PAQR3: variants seen among roughly 807,000 people sequenced by gnomAD.
The protein encoded by PAQR3 is progestin and adipoQ receptor family member 3, also known as Raf kinase trapping to Golgi.
In PAQR3, 39 loss-of-function variants were observed where a neutral mutation model predicts 41.7. The observed-to-expected ratio is 0.93, with a 90% CI of 0.72 to 1.22. PAQR3 has a LOEUF of 1.22. Ranked by LOEUF, PAQR3 falls within the 50% of genes most tolerant of loss-of-function variation. PAQR3 has a pLI of 0.00. For missense variants in PAQR3, 366 were observed against 385.6 expected (o/e 0.95, Z 0.42); for synonymous variants, 140 against 140.6 (o/e 1.00, Z 0.03).
At chr4:78,910,485 T>C (rs1034766938), downstream of PAQR3, 1 of 805,444 alleles carries the variant, frequency 1.2e-6, no homozygotes, top group African/African-American at 1.8e-5. Flanking sequence ...GACAACATTA[T>C]TTTTTCCTCT....
chr4:78,908,772 G>A (rs565148579), downstream of PAQR3, among the ~76,000 whole-genome samples: 25 of 152,180 alleles, frequency 1.6e-4, no homozygotes, highest in African/African-American at 5.5e-4. Context: ...TAAAATTTGT[G>A]TGTGGGTACA....
At chr4:78,921,368 A>G (rs570739700) in intron 5 of PAQR3, among the ~76,000 whole-genome samples, 22 of 152,052 alleles carry the variant, frequency 1.4e-4, no homozygotes, top group African/African-American at 5.1e-4. Context: ...AATAATTTCA[A>G]TGTAAATAAC....
At chr4:78,927,959 C>T (rs1328049736) in intron 3 of PAQR3, among the ~76,000 whole-genome samples, 1 of 152,100 alleles carries the variant, frequency 6.6e-6, no homozygotes, top group Non-Finnish European at 1.5e-5. Context: ...AAAGGTAAAA[C>T]GAGTCTTTTA....
intron 11 of PAQR3, among the ~76,000 whole-genome samples, chr4:78,905,671 T>C (rs1380523030): frequency 2.0e-5 from 3 of 152,006 alleles, no homozygotes; most frequent in African/African-American, 7.2e-5. Context: ...TAAAGCAACA[T>C]ATTTAGGCTT....
In PAQR3 at chr4:78,912,802, G is replaced by T. The variant is rs1734725167; in HGVS notation, c.*7737C>A. ...TGGACTATCGTCGCACAGAAGCCTA[G>T]AACAAAAATATGAAGAGAAATATCT... On this transcript the variant is annotated 3_prime_UTR_variant, in exon 6 of 6. Coordinates refer to ENST00000512733, the MANE Select transcript of PAQR3 (RefSeq NM_001040202.2). 2 of 151,910 alleles carry T rather than the reference G, an allele frequency of 1.3e-5. No individual in the cohort carries two copies. Among genetic ancestry groups the T allele is most frequent in the South Asian group, 4.2e-4 (2 of 4,816 alleles). The allele number at this position is 151,910 out of a possible 1,614,324, so 9.4% of individuals were successfully genotyped here.
rs569252194 is a variant in PAQR3 at position 78,927,412 on chromosome 4, T to C, written c.505-694A>G. On this transcript the variant is annotated intron_variant, in intron 3 of 5. Transcript: ENST00000512733. ...ACAACTCTGACATCAGTGCAGAAAA[T>C]AGGTGACAGGAAACCAGCTAGAAAG... is the stretch of plus-strand genomic sequence containing the variant. 6.2e-4 allele frequency among the ~76,000 whole-genome samples: 95 copies of C among 152,246 alleles called. 1 individual carries two copies. The highest frequency in any genetic ancestry group is 1.1e-3 in the Non-Finnish European group (78 of 68,010).
At chr4:78,898,533 A>G (rs1053464085) in intron 11 of PAQR3, among the ~76,000 whole-genome samples, 3 of 151,038 alleles carry the variant, frequency 2.0e-5, no homozygotes, top group Admixed American at 6.6e-5. Flanking sequence ...CAGGAAAGGA[A>G]TATGATTAAT....
downstream of PAQR3, chr4:78,911,014 A>G (rs778805169): frequency 6.2e-7 from 1 of 1,613,750 alleles, no homozygotes; most frequent in South Asian, 1.1e-5. Context: ...CTACAGAGAC[A>G]GATCTGGCAG....
At chr4:78,922,547 C>A in intron 5 of PAQR3, 1 of 751,624 alleles carries the variant, frequency 1.3e-6, no homozygotes, top group Non-Finnish European at 2.0e-6. Context: ...TGACCCATGC[C>A]AAAACTTACC....
Position 78,930,227 on chromosome 4 carries a change from A to G in PAQR3, c.447T>C (p.Ser149=). 6.2e-7 allele frequency: 1 copy of G among 1,613,760 alleles called. No individual in the cohort carries two copies. The highest frequency in any genetic ancestry group is 8.5e-7 in the Non-Finnish European group (1 of 1,179,842). The change falls in exon 3 of 6, where the codon TCT becomes TCC. Residue 149 remains serine (S), a synonymous_variant. Transcript: ENST00000512733. ...RWMALDYAGI[S]IGILGCYVSG... is the part of the protein sequence containing the mutation. ...AGACATAGCAGCCCAGTATTCCAAT[A>G]GAAATTCCTGCATAATCTAATGCCA... is the stretch of plus-strand genomic sequence containing the variant.
rs1055347618 is a variant in PAQR3, at chr4:78,915,456, A to C, written c.*5083T>G. ...TTTAATATATTTAGAATGTGCAGTA[A>C]ACTTTTTTCTCATTTTTTTTTCTTT... On this transcript the variant is annotated 3_prime_UTR_variant, in exon 6 of 6. Coordinates refer to ENST00000512733, the MANE Select transcript of PAQR3 (RefSeq NM_001040202.2). The C allele has an allele frequency of 1.3e-5, 2 of 151,920 alleles. No homozygotes were observed. The highest frequency in any genetic ancestry group is 2.9e-5 in the Non-Finnish European group (2 of 67,896). 9.4% of individuals were successfully genotyped at this position (151,920 alleles called of 1,614,324 possible).
At chr4:78,930,868 C>A (rs2110159918) in intron 2 of PAQR3, among the ~76,000 whole-genome samples, 1 of 114,200 alleles carries the variant, frequency 8.8e-6, no homozygotes, top group East Asian at 2.7e-4. Flanking sequence ...TTAGTCTATA[C>A]ACATGCACAC....
At chr4:78,926,024 CCAGTCT>C (rs1279777382) in intron 4 of PAQR3, among the ~76,000 whole-genome samples, 1 of 152,112 alleles carries the variant, frequency 6.6e-6, no homozygotes, top group Non-Finnish European at 1.5e-5. Flanking sequence ...ATCTTTATTG[CCAGTCT>C]CAAACTCTGG....
intron 2 of PAQR3, chr4:78,933,026 C>T (rs1225706586): frequency 2.6e-6 from 1 of 381,136 alleles, no homozygotes; most frequent in Non-Finnish European, 5.2e-6. Flanking sequence ...CCAATCTCTT[C>T]AGCCTTATCT....
rs979690673 is a variant in PAQR3 at position 78,913,891 on chromosome 4, T to C, written c.*6648A>G. On this transcript the variant is annotated 3_prime_UTR_variant, in exon 6 of 6. Coordinates refer to ENST00000512733, the MANE Select transcript of PAQR3 (RefSeq NM_001040202.2). ...CTTGTCCTCGTGCCAAAGGCAAATA[T>C]GTTTGCACCTTTTTTTTTTTTTCTG... The C allele has an allele frequency of 1.3e-5, 2 of 151,828 alleles. No individual in the cohort carries two copies. Among genetic ancestry groups the C allele is most frequent in the Admixed American group, 1.3e-4 (2 of 15,252 alleles). 9.4% of individuals were successfully genotyped at this position (151,828 alleles called of 1,614,324 possible). A position where few individuals can be genotyped will look rare whatever the true frequency, so the allele number is the denominator to read the frequency against.
chr4:78,895,706 C>T (rs1733666324), intron 11 of PAQR3, among the ~76,000 whole-genome samples: 1 of 152,018 alleles, frequency 6.6e-6, no homozygotes, highest in African/African-American at 2.4e-5. Flanking sequence ...TTTTATGGAG[C>T]AAAAGGACTA....
chr4:78,899,358 G>A (rs903413678), intron 11 of PAQR3, among the ~76,000 whole-genome samples: 1 of 152,154 alleles, frequency 6.6e-6, no homozygotes. Context: ...TATAGGGTAG[G>A]TCAAGAAAAG....
Position 78,935,124 on chromosome 4 carries a change from G to A in PAQR3, c.345C>T (p.Phe115=), listed in dbSNP as rs746682775. Residue 115 remains phenylalanine, a synonymous_variant, in exon 2 of 6, where the codon TTC becomes TTT. Coordinates refer to ENST00000512733, the MANE Select transcript of PAQR3 (RefSeq NM_001040202.2). ...CAGTATTTGTGAAATGACTTACCTG[G>A]AAGCAGAAAAGACAAATAGAACAAA... ...FVICSICLFC[F]QVCMLCSVGY... is the part of the protein sequence containing the mutation. 2 of 1,612,056 alleles carry A rather than the reference G, an allele frequency of 1.2e-6. No homozygotes were observed. The highest frequency in any genetic ancestry group is 1.1e-5 in the South Asian group (1 of 90,670).
chr4:78,932,963 T>C (rs10857058), intron 2 of PAQR3: 275,745 of 333,864 alleles, frequency 0.83, 114,381 homozygotes, highest in East Asian at 0.91. Context: ...AGTGTTACAT[T>C]CACATCGAAA....
Sources: gnomAD v4.1 joint callset for allele counts (sites outside exome capture counted in the v4.1 genomes callset) on GRCh38, gnomAD v4.1.1 for gene constraint, MANE v1.5 for transcripts, NCBI Gene and HGNC (gene_info 2026-07-23, HGNC 2026-07-21) for gene names.